The following CENPT variants were observed in gnomAD, a reference collection of about 807,000 sequenced individuals.
The protein encoded by CENPT is centromere protein T, also known as interphase centromere complex protein 22.
In CENPT, 42 loss-of-function variants were observed where a neutral mutation model predicts 59.7. The ratio of observed to expected loss-of-function variants is 0.70; its 90% CI spans 0.55 to 0.91. The LOEUF is 0.91. Among genes scored for constraint, CENPT ranks in the 40% least tolerant of loss-of-function variants. The pLI, the probability that CENPT is intolerant of heterozygous loss-of-function variation, is 0.00. For missense variants in CENPT, 716 were observed against 713.4 expected, an observed-to-expected ratio of 1.00 and a Z score of -0.04; for synonymous variants, 295 against 289.6, an observed-to-expected ratio of 1.02 and a Z score of -0.19.
rs532792883 is a variant in CENPT, at chr16:67,829,469, G to A, written c.1234C>T (p.Arg412Ter). Residue 412 changes from arginine to a stop codon, truncating the protein, a stop_gained, in exon 13 of 16, where the codon CGA becomes TGA. Coordinates refer to ENST00000562787, the MANE Select transcript of CENPT (RefSeq NM_025082.4). LOFTEE classifies it high-confidence loss of function. ...SSTPESLQARRHHQFLEPAPA... is the reference protein window; with the variant it reads ...SSTPESLQAR Reference sequence around the variant, plus strand: ...GCTGGCTCAAGAAACTGATGATGTCGCCTGGCCTGGAGAGACTCAGGGGTG... The same window carrying A: ...GCTGGCTCAAGAAACTGATGATGTCACCTGGCCTGGAGAGACTCAGGGGTG... 4.4e-6 allele frequency: 7 copies of A among 1,585,102 alleles called. No individual in the cohort carries two copies. The highest frequency in any genetic ancestry group is 6.0e-6 in the Non-Finnish European group (7 of 1,172,552).
chr16:67,831,673 T>A (rs2057690079), intron 8 of CENPT, 61 bp from the exon 9 acceptor site: 4 of 1,605,700 alleles, frequency 2.5e-6, no homozygotes, highest in Non-Finnish European at 3.4e-6. Flanking sequence ...TCCAGGCCTG[T>A]GAGGGCCCTC....
chr16:67,841,252 G>C (rs563974496), intron 1 of CENPT, among the ~76,000 whole-genome samples: 1 of 149,318 alleles, frequency 6.7e-6, no homozygotes, highest in African/African-American at 2.5e-5. Context: ...GGTGGGGGGA[G>C]GTGTATTGTT....
Position 67,831,759 on chromosome 16 carries a change from G to T in CENPT, c.518C>A (p.Ser173Tyr). ...QQGVDQGLSLSQEPQGNADAS... is the reference protein window; with the variant it reads ...QQGVDQGLSLYQEPQGNADAS... Reference sequence around the variant, plus strand: ...AGTGGTGTCCAGGGCCTCACCTTGGGAGAGAGACAGCCCCTGGTCCACTCC... The same window carrying T: ...AGTGGTGTCCAGGGCCTCACCTTGGTAGAGAGACAGCCCCTGGTCCACTCC... Residue 173 changes from serine (S) to tyrosine (Y), a missense_variant, in exon 8 of 16, where the codon TCC (serine) becomes TAC (tyrosine). Coordinates refer to ENST00000562787, the MANE Select transcript of CENPT (RefSeq NM_025082.4). The T allele has an allele frequency of 6.3e-7, 1 of 1,579,526 alleles. No homozygotes were observed. The highest frequency in any genetic ancestry group is 8.6e-7 in the Non-Finnish European group (1 of 1,163,582).
In CENPT at chr16:67,843,064, G is replaced by A. The variant is rs374385390; in HGVS notation, c.-492+4337C>T. On this transcript the variant is annotated intron_variant, in intron 1 of 15. Transcript: ENST00000562787. This position sits in a 1 kb window ranked among gnomAD's most constrained non-coding sequence, Gnocchi z 5.7. ...CCACTGTAGACAGCAGTCAGGCTCCGGGATCCGTACAGCCGGCGCCCATCA... is the reference window on the plus strand; with the variant it reads ...CCACTGTAGACAGCAGTCAGGCTCCAGGATCCGTACAGCCGGCGCCCATCA... 2 of 1,611,896 alleles carry A rather than the reference G, an allele frequency of 1.2e-6. No homozygotes were observed. Among genetic ancestry groups the A allele is most frequent in the Non-Finnish European group, 1.7e-6 (2 of 1,180,016 alleles).
intron 1 of CENPT, among the ~76,000 whole-genome samples, chr16:67,846,465 G>T (rs1034263111): frequency 6.6e-6 from 1 of 152,228 alleles, no homozygotes; most frequent in South Asian, 2.1e-4. Flanking sequence ...GCTGGTTAAG[G>T]CCACACAGCT....
Position 67,831,798 on chromosome 16 carries a change from GAC to G in CENPT, c.477_478del (p.Phe162SerfsTer19). 1 of 1,595,098 alleles carries G rather than the reference GAC, an allele frequency of 6.3e-7. No homozygotes were observed. Among genetic ancestry groups the G allele is most frequent in the Non-Finnish European group, 8.5e-7 (1 of 1,171,836 alleles). ...CTGGTCCACTCCCTGCTGAAACACT[GAC>G]AGTCTCAGCCTCTGTTTCCTCCTGC... is the stretch of plus-strand genomic sequence containing the variant. On this transcript the variant is annotated frameshift_variant, in exon 8 of 16. Coordinates refer to ENST00000562787, the MANE Select transcript of CENPT (RefSeq NM_025082.4). LOFTEE classifies it high-confidence loss of function.
intron 1 of CENPT, among the ~76,000 whole-genome samples, chr16:67,837,362 C>T (rs901758845): frequency 6.6e-6 from 1 of 151,610 alleles, no homozygotes. Flanking sequence ...TACGTACAGG[C>T]GGGGTTTCAC....
Position 67,828,791 on chromosome 16 carries a change from G to A in CENPT, c.1333C>T (p.Arg445Trp), listed in dbSNP as rs371608100. 518 of 1,600,134 alleles carry A rather than the reference G, an allele frequency of 3.2e-4. No individual in the cohort carries two copies. The highest frequency in any genetic ancestry group is 4.3e-4 in the Non-Finnish European group (501 of 1,176,484). The change falls in exon 14 of 16, where the codon CGG becomes TGG. Residue 445 changes from arginine to tryptophan, a missense_variant. Coordinates refer to ENST00000562787, the MANE Select transcript of CENPT (RefSeq NM_025082.4). ...TGCCGGGGCCTGGGGCCGGTGGTCC[G>A]GGGCCTAGGGGGATGCCTGACCAAC... is the stretch of plus-strand genomic sequence containing the variant. ...PLLVRHPPRP[R>W]TTGPRPRQDP...
intron 10 of CENPT, 40 bp from the exon 11 acceptor site, chr16:67,830,588 G>C: frequency 6.2e-7 from 1 of 1,602,668 alleles, no homozygotes; most frequent in Non-Finnish European, 8.5e-7. Context: ...GCTGTCACCT[G>C]GAGATCAGGG....
Position 67,840,242 on chromosome 16 carries a change from C to T in CENPT, c.-491-4584G>A, listed in dbSNP as rs7194584. Reference sequence around the variant, plus strand: ...CTGAGGCAGGAGAATGGCATGAACCCGGGAGGCAGAGCTTGCAGTGAGCTG... The same window carrying T: ...CTGAGGCAGGAGAATGGCATGAACCTGGGAGGCAGAGCTTGCAGTGAGCTG... On this transcript the variant is annotated intron_variant, in intron 1 of 15. Coordinates refer to ENST00000562787, the MANE Select transcript of CENPT (RefSeq NM_025082.4). Among the ~76,000 whole-genome samples the T allele has an allele frequency of 3.6e-3, 542 of 152,198 alleles. 5 individuals are homozygous for T. The highest frequency in any genetic ancestry group is 0.012 in the African/African-American group (515 of 41,532).
Position 67,832,534 on chromosome 16 carries a change from G to A in CENPT, c.122C>T (p.Ala41Val). 1.2e-6 allele frequency: 2 copies of A among 1,613,938 alleles called. No homozygotes were observed. Among genetic ancestry groups the A allele is most frequent in the Non-Finnish European group, 1.7e-6 (2 of 1,179,852 alleles). ...CCTGGGGGAAGCCGTTTCAAGCAGG[G>A]CTCTCCGGGCTCTGTGTAAAGACCA... The part of the protein sequence containing the change: ...PRSARAGARR[A>V]LLETASPRKL... Residue 41 changes from alanine to valine, a missense_variant, in exon 5 of 16, where the codon GCC becomes GTC. Ala to Val is a moderately conservative substitution (Grantham distance 64, BLOSUM62 0). Coordinates refer to ENST00000562787, the MANE Select transcript of CENPT (RefSeq NM_025082.4).
chr16:67,829,674 G>A, intron 12 of CENPT, 91 bp downstream of exon 12: 1 of 1,437,084 alleles, frequency 7.0e-7, no homozygotes, highest in Non-Finnish European at 9.6e-7. Context: ...ACCACCACCA[G>A]TGCCCGGAAA....
intron 14 of CENPT, 22 bp from the exon 15 acceptor site, chr16:67,828,600 A>G: frequency 6.2e-7 from 1 of 1,613,988 alleles, no homozygotes; most frequent in Non-Finnish European, 8.5e-7. Flanking sequence ...GTGGGGATAG[A>G]GCAGGCTGAA....
chr16:67,829,374 A>G (rs750913062), intron 13 of CENPT, 49 bp downstream of exon 13: 73 of 1,455,028 alleles, frequency 5.0e-5, no homozygotes, highest in Non-Finnish European at 6.3e-5. Context: ...AGCATACCCA[A>G]TGCTCCCTTC....
chr16:67,828,171 C>T lies in CENPT; in HGVS notation c.*96G>A, dbSNP rs533482500. ...AATGCAGAATATTCTGTTTATGACA[C>T]TTTATTGATGCTGGGGGGGTGGGGA... On this transcript the variant is annotated 3_prime_UTR_variant, in exon 16 of 16. Transcript: ENST00000562787. 3.0e-5 allele frequency: 44 copies of T among 1,484,492 alleles called. No homozygotes were observed. Among genetic ancestry groups the T allele is most frequent in the Admixed American group, 2.7e-4 (12 of 44,678 alleles). The allele number at this position is 1,484,492 out of a possible 1,614,324, so 92.0% of individuals were successfully genotyped here.
At position 67,834,037 on chromosome 16, in the gene CENPT, C is replaced by T; in HGVS notation, c.-178G>A. 6.1e-6 allele frequency: 3 copies of T among 491,926 alleles called. No individual in the cohort carries two copies. Among genetic ancestry groups the T allele is most frequent in the Non-Finnish European group, 3.6e-6 (1 of 280,206 alleles). The allele number at this position is 491,926 out of a possible 1,614,324, so 30.5% of individuals were successfully genotyped here. A position where few individuals can be genotyped will look rare whatever the true frequency, so the allele number is the denominator to read the frequency against. Reference sequence around the variant, plus strand: ...TTGCAAACTCCGGATGCTTTGGAGGCAGCCTCGCTGCGGGTAAACCTCGGT... The same window carrying T: ...TTGCAAACTCCGGATGCTTTGGAGGTAGCCTCGCTGCGGGTAAACCTCGGT... On this transcript the variant is annotated 5_prime_UTR_variant, in exon 4 of 16. Transcript: ENST00000562787.
intron 1 of CENPT, among the ~76,000 whole-genome samples, chr16:67,836,439 CTT>C (rs568930990): frequency 1.4e-3 from 195 of 135,816 alleles, no homozygotes; most frequent in African/African-American, 4.4e-3. Context: ...AAACAAACAT[CTT>C]TTTTTTTTTT....
At chr16:67,840,212 G>T (rs1300065751) in intron 1 of CENPT, among the ~76,000 whole-genome samples, 1 of 152,208 alleles carries the variant, frequency 6.6e-6, no homozygotes, top group Non-Finnish European at 1.5e-5. Flanking sequence ...CAGCTACTTG[G>T]GAGGCTGAGG....
chr16:67,842,497 C>T lies in CENPT; in HGVS notation c.-492+4904G>A. The stretch of plus-strand genomic sequence containing the variant: ...CGAGGGGCGGGCGGCGGCGTAGCCA[C>T]TGGGCCGTCGAAGAGCGCAGGAGGC... On this transcript the variant is annotated intron_variant, in intron 1 of 15. Transcript: ENST00000562787. The surrounding 1 kb of genome is among the most constrained non-coding windows in gnomAD (Gnocchi z 4.9). The T allele has an allele frequency of 1.4e-6, 2 of 1,388,770 alleles. No individual in the cohort carries two copies. The highest frequency in any genetic ancestry group is 9.3e-7 in the Non-Finnish European group (1 of 1,071,548). The allele number at this position is 1,388,770 out of a possible 1,614,324, so 86.0% of individuals were successfully genotyped here.
Sources: allele counts gnomAD v4.1 joint callset (sites outside exome capture counted in the v4.1 genomes callset), GRCh38; gene constraint gnomAD v4.1.1; non-coding constraint Gnocchi (gnomAD v3.1); transcripts MANE v1.5; gene names NCBI Gene and HGNC (gene_info 2026-07-23, HGNC 2026-07-21).